Variants in RPTOR observed in about 807,000 individuals in gnomAD.
RPTOR encodes the protein regulatory associated protein of MTOR complex 1.
RPTOR carries 21 observed loss-of-function variants against 169.9 expected under a neutral mutation model. The observed-to-expected ratio is 0.12, with a 90% CI of 0.09 to 0.18. RPTOR has a LOEUF of 0.18. RPTOR is among the 10% of genes least tolerant of loss of function. The pLI, the probability that RPTOR is intolerant of heterozygous loss-of-function variation, is 1.00. For synonymous variants in RPTOR, 732 were observed against 753.2 expected, an observed-to-expected ratio of 0.97 and a Z score of 0.46; for missense variants, 1,133 against 1,855.9, an observed-to-expected ratio of 0.61 and a Z score of 7.16.
intron 16 of RPTOR, among the ~76,000 whole-genome samples, chr17:80,884,713 C>T (rs1275381875): frequency 1.3e-5 from 2 of 152,198 alleles, no homozygotes; most frequent in Non-Finnish European, 2.9e-5. Flanking sequence ...TCGTCTAACT[C>T]CTGCCTCGTT....
At chr17:80,546,416 T>C (rs1568296755) in intron 1 of RPTOR, among the ~76,000 whole-genome samples, 1 of 152,188 alleles carries the variant, frequency 6.6e-6, no homozygotes, top group Non-Finnish European at 1.5e-5. Context: ...GCGTCGAGAC[T>C]TGGGTGCAGG....
intron 1 of RPTOR, among the ~76,000 whole-genome samples, chr17:80,573,123 T>C (rs986838516): frequency 2.0e-5 from 3 of 152,192 alleles, no homozygotes; most frequent in African/African-American, 7.2e-5. Context: ...GTTTATCCCA[T>C]TGATCTGCTG....
In RPTOR at chr17:80,846,692, G is replaced by A. The variant is rs548901537; in HGVS notation, c.1314+118G>A. On this transcript the variant is annotated intron_variant, in intron 11 of 33. Coordinates refer to ENST00000306801, the MANE Select transcript of RPTOR (RefSeq NM_020761.3). ...AGCCCTGTGGGTCTGTGACATCCCA[G>A]CCCCTCTGCCCCGAAGATGATGGTG... 1.2e-5 allele frequency: 9 copies of A among 766,346 alleles called. No individual in the cohort carries two copies. In the South Asian group the frequency reaches 1.5e-4, roughly 13 times the overall value. The allele number at this position is 766,346 out of a possible 1,614,324, so 47.5% of individuals were successfully genotyped here. A position where few individuals can be genotyped will look rare whatever the true frequency, so the allele number is the denominator to read the frequency against.
At chr17:80,788,005 T>C (rs1387292507) in intron 6 of RPTOR, among the ~76,000 whole-genome samples, 7 of 152,220 alleles carry the variant, frequency 4.6e-5, no homozygotes, top group Non-Finnish European at 1.0e-4. Flanking sequence ...TCTTGGAGTT[T>C]TCTCCCCTCT....
Position 80,885,093 on chromosome 17 carries a change from A to G in RPTOR, c.1928A>G (p.Asn643Ser). 6.3e-7 allele frequency: 1 copy of G among 1,593,450 alleles called. No individual in the cohort carries two copies. Residue 643 changes from asparagine to serine, a missense_variant, in exon 17 of 34, where the codon AAC becomes AGC. Transcript: ENST00000306801. ...GACCACTCCACCACCATCGACCACA[A>G]CGTGGCCATGATGCTGGCCCAGCTG... is the stretch of plus-strand genomic sequence containing the variant. ...RTDHSTTIDHNVAMMLAQLVS... is the reference protein window; with the variant it reads ...RTDHSTTIDHSVAMMLAQLVS...
At chr17:80,684,235 G>T (rs1039365050) in intron 3 of RPTOR, among the ~76,000 whole-genome samples, 19 of 151,906 alleles carry the variant, frequency 1.3e-4, no homozygotes, top group African/African-American at 4.4e-4. Flanking sequence ...TCTTATCCTT[G>T]CTTATTTCTT....
chr17:80,714,455 T>C (rs1335203006), intron 4 of RPTOR, among the ~76,000 whole-genome samples: 1 of 152,222 alleles, frequency 6.6e-6, no homozygotes, highest in Non-Finnish European at 1.5e-5. Flanking sequence ...GATGTCTCAA[T>C]AAAGTTTGAA....
chr17:80,878,887 G>T lies in RPTOR; in HGVS notation c.1510-1528G>T, dbSNP rs2068152523. On this transcript the variant is annotated intron_variant, in intron 13 of 33. Transcript: ENST00000306801. This position sits in a 1 kb window ranked among gnomAD's most constrained non-coding sequence, Gnocchi z 4.1. ...GGTGTGGCTTCCGGTAACACTGCCA[G>T]CCTCAGAGCCGGCCTGTTTCCTCCA... Among the ~76,000 whole-genome samples, 1 of 152,158 alleles carries T rather than the reference G, an allele frequency of 6.6e-6. No homozygotes were observed. The highest frequency in any genetic ancestry group is 1.5e-5 in the Non-Finnish European group (1 of 68,030).
At chr17:80,704,948 C>A (rs978546159) in intron 3 of RPTOR, among the ~76,000 whole-genome samples, 1 of 152,268 alleles carries the variant, frequency 6.6e-6, no homozygotes, top group Non-Finnish European at 1.5e-5. Context: ...TGAACAGGCT[C>A]CTCCAGAACA....
At chr17:80,758,933 G>A (rs1174495462) in intron 6 of RPTOR, among the ~76,000 whole-genome samples, 4 of 151,518 alleles carry the variant, frequency 2.6e-5, no homozygotes, top group Admixed American at 6.6e-5. Context: ...CTTCCCTGCC[G>A]CCCCACTCCA....
At chr17:80,675,138 T>A (rs533528232) in intron 3 of RPTOR, among the ~76,000 whole-genome samples, 6 of 152,220 alleles carry the variant, frequency 3.9e-5, no homozygotes, top group Non-Finnish European at 8.8e-5. Flanking sequence ...TTGTTTTTTT[T>A]CTTACAAATT....
At chr17:80,774,501 G>A (rs1011738650) in intron 6 of RPTOR, among the ~76,000 whole-genome samples, 1 of 152,182 alleles carries the variant, frequency 6.6e-6, no homozygotes, top group Non-Finnish European at 1.5e-5. Context: ...CGTCTGGGGT[G>A]GACAGCTTCA....
chr17:80,958,409 T>C (rs1012032721), intron 29 of RPTOR, among the ~76,000 whole-genome samples: 2 of 132,478 alleles, frequency 1.5e-5, no homozygotes, highest in Admixed American at 7.3e-5. Flanking sequence ...TTGTTTCTTT[T>C]TTTTTTTTTT....
intron 5 of RPTOR, among the ~76,000 whole-genome samples, chr17:80,748,625 G>T (rs1309131207): frequency 8.9e-6 from 1 of 112,414 alleles, no homozygotes; most frequent in Admixed American, 8.3e-5. Context: ...ACTGTGGTGT[G>T]TGTTTAGAGG....
intron 1 of RPTOR, among the ~76,000 whole-genome samples, chr17:80,549,237 GAAT>G (rs138591925): frequency 0.018 from 2,779 of 152,282 alleles, 86 homozygotes; most frequent in African/African-American, 0.064. Context: ...TATGTATAGT[GAAT>G]GAGGCATATA....
At chr17:80,696,495 T>G (rs1347744479) in intron 3 of RPTOR, among the ~76,000 whole-genome samples, 2 of 152,174 alleles carry the variant, frequency 1.3e-5, no homozygotes, top group African/African-American at 4.8e-5. Context: ...AGAATTCCCA[T>G]GTAGATTCAT....
Position 80,860,637 on chromosome 17 carries a change from G to A in RPTOR, c.1509+2737G>A, listed in dbSNP as rs939297508. ...GAGGGCTTCCACCTTGGAGGCAGGC[G>A]TCAGTCGTACCCAGCACCAGTTGAC... On this transcript the variant is annotated intron_variant, in intron 13 of 33. Coordinates refer to ENST00000306801, the MANE Select transcript of RPTOR (RefSeq NM_020761.3). The surrounding 1 kb of genome is among the most constrained non-coding windows in gnomAD (Gnocchi z 5.8). Among the ~76,000 whole-genome samples the A allele has an allele frequency of 2.8e-4, 42 of 152,090 alleles. No homozygotes were observed. The highest frequency in any genetic ancestry group is 2.5e-3 in the Admixed American group (38 of 15,264).
At chr17:80,564,260 T>G (rs1020826675) in intron 1 of RPTOR, among the ~76,000 whole-genome samples, 14 of 151,932 alleles carry the variant, frequency 9.2e-5, no homozygotes, top group African/African-American at 2.9e-4. Flanking sequence ...GATGGGGTTT[T>G]ACCGTGTTAG....
chr17:80,960,938 G>C lies in RPTOR; in HGVS notation c.3606-456G>C, dbSNP rs1409111628. ...TAAATTTCACCCAGCACAGAGCGAG[G>C]ATTCCCAGAAGGTCCTTGTGCCTCC... is the stretch of plus-strand genomic sequence containing the variant. On this transcript the variant is annotated intron_variant, in intron 30 of 33. Transcript: ENST00000306801. The surrounding 1 kb of genome is among the most constrained non-coding windows in gnomAD (Gnocchi z 4.8). 2 of 176,728 alleles carry C rather than the reference G, an allele frequency of 1.1e-5. No homozygotes were observed. Among genetic ancestry groups the C allele is most frequent in the Admixed American group, 1.1e-4 (2 of 18,116 alleles). 10.9% of individuals were successfully genotyped at this position (176,728 alleles called of 1,614,324 possible). A position where few individuals can be genotyped will look rare whatever the true frequency, so the allele number is the denominator to read the frequency against.
Sources: allele counts gnomAD v4.1 joint callset (sites outside exome capture counted in the v4.1 genomes callset), GRCh38; gene constraint gnomAD v4.1.1; non-coding constraint Gnocchi (gnomAD v3.1); transcripts MANE v1.5; gene names NCBI Gene and HGNC (gene_info 2026-07-23, HGNC 2026-07-21).